RYR3: variants seen among roughly 807,000 people sequenced by gnomAD.
The protein encoded by RYR3 is ryanodine receptor 3, also known as brain ryanodine receptor-calcium release channel.
Under a neutral mutation model 584.3 loss-of-function variants are expected in RYR3, and 207 were observed. The observed-to-expected ratio is 0.35, with a 90% CI of 0.32 to 0.40. RYR3 has a LOEUF of 0.40. Among genes scored for constraint, RYR3 ranks in the 10% least tolerant of loss-of-function variants. RYR3 has a pLI of 1.00. For synonymous variants in RYR3, 2,416 were observed against 2,248.5 expected (o/e 1.07, Z -2.11); for missense variants, 5,616 against 6,089.2 (o/e 0.92, Z 2.59).
chr15:33,660,455 G>C (rs745578598), intron 34 of RYR3, 32 bp downstream of exon 34: 1 of 1,458,124 alleles, frequency 6.9e-7, no homozygotes, highest in Non-Finnish European at 9.2e-7. Context: ...GAAGGGGCAG[G>C]CCTGAGGGGC....
chr15:33,686,832 C>A (rs2065045610), intron 38 of RYR3, among the ~76,000 whole-genome samples: 1 of 152,202 alleles, frequency 6.6e-6, no homozygotes, highest in African/African-American at 2.4e-5. Flanking sequence ...ACATGATTAT[C>A]TCAATAGATG....
intron 3 of RYR3, among the ~76,000 whole-genome samples, chr15:33,507,734 G>A (rs2052601803): frequency 6.6e-6 from 1 of 152,090 alleles, no homozygotes; most frequent in Non-Finnish European, 1.5e-5. Flanking sequence ...AGTCTTCAGT[G>A]TCAGGCAGAT....
At chr15:33,613,912 C>A (rs957786557) in intron 19 of RYR3, among the ~76,000 whole-genome samples, 12 of 152,110 alleles carry the variant, frequency 7.9e-5, no homozygotes, top group African/African-American at 2.7e-4. Flanking sequence ...TATAATAGCC[C>A]TTTATTTGGC....
chr15:33,644,864 G>A (rs187366361), intron 28 of RYR3, among the ~76,000 whole-genome samples: 11 of 150,716 alleles, frequency 7.3e-5, no homozygotes, highest in Non-Finnish European at 1.2e-4. Context: ...TTTTAAGTTC[G>A]GGCTGGGTGT....
At chr15:33,843,155 T>TA (rs58180950) in intron 91 of RYR3, among the ~76,000 whole-genome samples, 22 of 151,380 alleles carry the variant, frequency 1.5e-4, no homozygotes, top group Non-Finnish European at 2.5e-4. Flanking sequence ...CCGTCTCTAG[T>TA]AAAAAAACAA....
chr15:33,731,687 A>G lies in RYR3; in HGVS notation c.7417A>G (p.Ile2473Val). ...RDTIEECLLA[I>V]CNHLRPSMLQ... Reference sequence around the variant, plus strand: ...CACTATAGAAGAATGTTTGCTTGCCATTTGCAAGTAAGTACATATCCTATG... The same window carrying G: ...CACTATAGAAGAATGTTTGCTTGCCGTTTGCAAGTAAGTACATATCCTATG... Residue 2473 changes from isoleucine to valine, a missense_variant, in exon 48 of 104, where the codon ATT becomes GTT. Ile to Val is a conservative substitution (Grantham distance 29). Transcript: ENST00000634891. 1.2e-6 allele frequency: 2 copies of G among 1,603,592 alleles called. No homozygotes were observed.
chr15:33,671,323 AATATCGTTGCT>A (rs1452171165), intron 38 of RYR3, among the ~76,000 whole-genome samples: 2 of 152,192 alleles, frequency 1.3e-5, no homozygotes, highest in Non-Finnish European at 2.9e-5. Flanking sequence ...TCTCAGGTTT[AATATCGTTGCT>A]TTTTATCTTG....
chr15:33,323,113 T>C, intron 1 of RYR3, among the ~76,000 whole-genome samples: 1 of 151,822 alleles, frequency 6.6e-6, no homozygotes, highest in South Asian at 2.1e-4. Flanking sequence ...ATTTAATACA[T>C]ATATATTTTT....
intron 94 of RYR3, 156 bp from the exon 95 acceptor site, chr15:33,852,889 G>T: frequency 1.5e-6 from 1 of 656,060 alleles, no homozygotes; most frequent in Non-Finnish European, 2.7e-6. Context: ...TAGAGCCTGT[G>T]ATGACTCTGA....
chr15:33,501,957 A>G (rs1359361804), intron 2 of RYR3, among the ~76,000 whole-genome samples: 2 of 152,170 alleles, frequency 1.3e-5, no homozygotes. Flanking sequence ...TTCTTAGTTA[A>G]TGGTTTTAAT....
intron 57 of RYR3, among the ~76,000 whole-genome samples, chr15:33,754,320 C>T (rs570806972): frequency 2.0e-5 from 3 of 152,166 alleles, no homozygotes; most frequent in Non-Finnish European, 4.4e-5. Context: ...TTGAAAACTT[C>T]TAATAGCTTC....
chr15:33,749,469 G>C (rs984739910), intron 55 of RYR3, among the ~76,000 whole-genome samples: 4 of 152,124 alleles, frequency 2.6e-5, no homozygotes, highest in Non-Finnish European at 5.9e-5. Flanking sequence ...TCTTTCCAAA[G>C]TACATCCTTC....
In RYR3 at chr15:33,487,413, G is replaced by A. The variant is rs150190125; in HGVS notation, c.171+13875G>A. Among the ~76,000 whole-genome samples the A allele has an allele frequency of 4.1e-3, 618 of 152,242 alleles. 3 individuals carry two copies. The highest frequency in any genetic ancestry group is 0.011 in the African/African-American group (457 of 41,532). On this transcript the variant is annotated intron_variant, in intron 2 of 103. Coordinates refer to ENST00000634891, the MANE Select transcript of RYR3 (RefSeq NM_001036.6). ...CAAAACAAGGGCATGAGACTTTTGG[G>A]TTTAATCCTGCTGTCTTCTGGAGCA...
chr15:33,367,007 C>CT (rs1244254302), intron 1 of RYR3, among the ~76,000 whole-genome samples: 2 of 152,188 alleles, frequency 1.3e-5, no homozygotes, highest in Non-Finnish European at 2.9e-5. Context: ...CAATTTAGCA[C>CT]TGGGATTGTA....
intron 38 of RYR3, among the ~76,000 whole-genome samples, chr15:33,695,843 T>C (rs1159401319): frequency 1.3e-5 from 2 of 151,402 alleles, no homozygotes; most frequent in Non-Finnish European, 2.9e-5. Context: ...TGCAGTGCAG[T>C]GATGCAGTGG....
chr15:33,769,724 C>T (rs996313101), intron 62 of RYR3, among the ~76,000 whole-genome samples: 1 of 152,108 alleles, frequency 6.6e-6, no homozygotes, highest in Non-Finnish European at 1.5e-5. Flanking sequence ...GAGGCCGAGG[C>T]AGGCAGATCG....
intron 18 of RYR3, among the ~76,000 whole-genome samples, chr15:33,611,010 A>G (rs1486834901): frequency 3.3e-5 from 5 of 152,214 alleles, no homozygotes; most frequent in Admixed American, 3.3e-4. Context: ...GAACTAGACT[A>G]GCAGTAAGCA....
intron 3 of RYR3, among the ~76,000 whole-genome samples, chr15:33,511,329 TAAAAAAAA>T (rs34328973): frequency 2.1e-4 from 25 of 119,372 alleles, no homozygotes; most frequent in African/African-American, 7.1e-4. Flanking sequence ...TTTCTCTCTT[TAAAAAAAA>T]AAAAAAAAAA....
chr15:33,748,089 T>G (rs768259425), intron 53 of RYR3, 25 bp from the exon 54 acceptor site: 2 of 1,612,060 alleles, frequency 1.2e-6, no homozygotes, highest in African/African-American at 1.3e-5. Flanking sequence ...TTCTGCAAAG[T>G]GCTTCTGCTC....
Sources: gnomAD v4.1 joint callset for allele counts (sites outside exome capture counted in the v4.1 genomes callset) on GRCh38, gnomAD v4.1.1 for gene constraint, MANE v1.5 for transcripts, NCBI Gene and HGNC (gene_info 2026-07-23, HGNC 2026-07-21) for gene names.